The following ECSCR variants were observed in gnomAD, a reference collection of about 807,000 sequenced individuals.
ECSCR encodes endothelial cell-specific chemotaxis regulator.
A neutral mutation model predicts 16.7 loss-of-function variants in ECSCR; 12 were observed. The observed-to-expected ratio is 0.72, with a 90% CI of 0.46 to 1.17. The LOEUF (loss-of-function observed/expected upper bound fraction) is 1.17, where lower values mean the gene tolerates loss of function less well. Among genes scored for constraint, ECSCR ranks in the 50% most tolerant of loss-of-function variants. The probability of loss-of-function intolerance (pLI) is 0.00; values close to 1 mark genes in which losing one functional copy is unlikely to be tolerated. For missense variants in ECSCR, 122 were observed against 116.1 expected, an observed-to-expected ratio of 1.05 and a Z score of -0.23; for synonymous variants, 44 against 42.2, an observed-to-expected ratio of 1.04 and a Z score of -0.17.
chr5:139,452,049 G>C (rs1447934161), intron 8 of ECSCR, among the ~76,000 whole-genome samples: 1 of 149,736 alleles, frequency 6.7e-6, no homozygotes, highest in Non-Finnish European at 1.5e-5. Flanking sequence ...TTGTGTGTTT[G>C]TGGTGTATGT....
At chr5:139,450,057 G>A (rs1236762340) in intron 8 of ECSCR, among the ~76,000 whole-genome samples, 4 of 152,012 alleles carry the variant, frequency 2.6e-5, no homozygotes, top group Admixed American at 2.6e-4. Context: ...ACCGTGCCCA[G>A]CTAATTTTTG....
chr5:139,448,856 G>C lies in ECSCR; in HGVS notation c.*44C>G. On this transcript the variant is annotated 3_prime_UTR_variant, in exon 10 of 10. Transcript: ENST00000618155. ...CATCTCTTCCTCCTTGTAGTCACAG[G>C]GCAGCTGCATCATCCTTGGACTCAT... 1 of 1,536,630 alleles carries C rather than the reference G, an allele frequency of 6.5e-7. No individual in the cohort carries two copies. Among genetic ancestry groups the C allele is most frequent in the South Asian group, 1.2e-5 (1 of 83,900 alleles).
rs1443877647 is a variant in ECSCR, at chr5:139,457,769, A to G, written c.145T>C (p.Ser49Pro). ...CACACTCACTCACCTGGGTTGGAAG[A>G]AACTGGCTCTGTGGTCAGACTTAGA... The part of the protein sequence containing the change: ...GGLSLTTEPV[S>P]SNPGYIPSSE... The change falls in exon 3 of 10, where the codon TCT becomes CCT. Residue 49 changes from serine to proline, a missense_variant. Ser to Pro is a moderately conservative substitution (Grantham distance 74). Transcript: ENST00000618155. The G allele has an allele frequency of 6.2e-7, 1 of 1,612,678 alleles. No homozygotes were observed. Among genetic ancestry groups the G allele is most frequent in the Non-Finnish European group, 8.5e-7 (1 of 1,179,392 alleles).
At chr5:139,458,018 C>T (rs1208742547) in intron 2 of ECSCR, 121 bp downstream of exon 2, 1 of 1,241,606 alleles carries the variant, frequency 8.1e-7, no homozygotes, top group African/African-American at 1.5e-5. Context: ...GTCCTGAGAG[C>T]TCCCGCTCCA....
At chr5:139,460,582 C>T (rs1227499354) in intron 1 of ECSCR, among the ~76,000 whole-genome samples, 10 of 152,182 alleles carry the variant, frequency 6.6e-5, no homozygotes. Flanking sequence ...AGCTTCAAGA[C>T]CCTGCTCTTT....
chr5:139,456,403 G>A (rs1751158841), intron 5 of ECSCR, 71 bp downstream of exon 5: 1 of 397,838 alleles, frequency 2.5e-6, no homozygotes, highest in Non-Finnish European at 4.4e-6. Context: ...AGAGCCAAGG[G>A]ATAAGACGAG....
chr5:139,449,328 C>T (rs778236533), intron 8 of ECSCR, 154 bp from the exon 9 acceptor site: 22 of 161,978 alleles, frequency 1.4e-4, no homozygotes, highest in Non-Finnish European at 2.5e-4. Flanking sequence ...CTTTGAAGAC[C>T]GAAAGACTGC....
intron 1 of ECSCR, among the ~76,000 whole-genome samples, chr5:139,460,582 C>A (rs1227499354): frequency 6.6e-6 from 1 of 152,182 alleles, no homozygotes; most frequent in African/African-American, 2.4e-5. Context: ...AGCTTCAAGA[C>A]CCTGCTCTTT....
At chr5:139,458,320 G>GTTTTT (rs1436113177) in intron 1 of ECSCR, 137 bp from the exon 2 acceptor site, 2 of 670,810 alleles carry the variant, frequency 3.0e-6, no homozygotes, top group Non-Finnish European at 4.8e-6. Context: ...ATTTTGTTTT[G>GTTTTT]TTTTGTTTTT....
Position 139,462,731 on chromosome 5 carries a change from A to G in ECSCR, c.-61T>C, listed in dbSNP as rs1751340717. 1.4e-6 allele frequency: 1 copy of G among 715,660 alleles called. No homozygotes were observed. Among genetic ancestry groups the G allele is most frequent in the Non-Finnish European group, 2.2e-6 (1 of 459,554 alleles). 44.3% of individuals were successfully genotyped at this position (715,660 alleles called of 1,614,324 possible). ...GTGGAGGCTCTGTCCATAGTGGAGAAGAGAGAGGGAGTGCTGGGGCGGGAT... is the reference window on the plus strand; with the variant it reads ...GTGGAGGCTCTGTCCATAGTGGAGAGGAGAGAGGGAGTGCTGGGGCGGGAT... On this transcript the variant is annotated 5_prime_UTR_variant, in exon 1 of 10. Transcript: ENST00000618155.
chr5:139,450,182 C>T (rs1458082718), intron 8 of ECSCR, among the ~76,000 whole-genome samples: 2 of 151,972 alleles, frequency 1.3e-5, no homozygotes, highest in Admixed American at 6.6e-5. Context: ...CATGAGCCAC[C>T]GCGCCTGGCC....
chr5:139,450,971 G>A (rs1751029502), intron 8 of ECSCR, among the ~76,000 whole-genome samples: 1 of 152,080 alleles, frequency 6.6e-6, no homozygotes, highest in African/African-American at 2.4e-5. Context: ...GTTAGCCCTG[G>A]TGTTGAAGAG....
rs1751116571 is a variant in ECSCR at position 139,454,595 on chromosome 5, G to A, written c.512+7C>T. ...TGTCAGATAGAAGATTTTTCTGACG[G>A]TCTTACCTTTCAGACAGCCCTGAAC... On this transcript the variant is annotated splice_region_variant and intron_variant, in intron 8 of 9. Coordinates refer to ENST00000618155, the MANE Select transcript of ECSCR (RefSeq NM_001077693.4). 1 of 398,200 alleles carries A rather than the reference G, an allele frequency of 2.5e-6. No homozygotes were observed. Among genetic ancestry groups the A allele is most frequent in the African/African-American group, 2.1e-5 (1 of 48,552 alleles). The allele number at this position is 398,200 out of a possible 1,614,324, so 24.7% of individuals were successfully genotyped here. A position where few individuals can be genotyped will look rare whatever the true frequency, so the allele number is the denominator to read the frequency against.
At chr5:139,459,974 G>A (rs1053214999) in intron 1 of ECSCR, among the ~76,000 whole-genome samples, 1 of 152,176 alleles carries the variant, frequency 6.6e-6, no homozygotes, top group Non-Finnish European at 1.5e-5. Flanking sequence ...CCTTGTTGGC[G>A]AGAGGGGGAT....
chr5:139,458,015 G>C, intron 2 of ECSCR, 124 bp downstream of exon 2: 2 of 1,226,922 alleles, frequency 1.6e-6, no homozygotes, highest in Non-Finnish European at 2.3e-6. Context: ...TGAGTCCTGA[G>C]AGCTCCCGCT....
At chr5:139,449,428 C>G (rs192058980) in intron 8 of ECSCR, among the ~76,000 whole-genome samples, 2 of 152,262 alleles carry the variant, frequency 1.3e-5, no homozygotes, top group Non-Finnish European at 2.9e-5. Flanking sequence ...ACCTCCACCT[C>G]TCGGGTTCAA....
At chr5:139,461,738 C>G (rs1751310236) in intron 1 of ECSCR, among the ~76,000 whole-genome samples, 1 of 152,162 alleles carries the variant, frequency 6.6e-6, no homozygotes, top group Non-Finnish European at 1.5e-5. Flanking sequence ...TGTTCTGGTA[C>G]TCAGGCCCTC....
At chr5:139,449,828 C>T (rs1750996867) in intron 8 of ECSCR, among the ~76,000 whole-genome samples, 1 of 152,102 alleles carries the variant, frequency 6.6e-6, no homozygotes, top group Non-Finnish European at 1.5e-5. Context: ...CTCACACAAT[C>T]TACCTGCCTC....
intron 8 of ECSCR, among the ~76,000 whole-genome samples, chr5:139,451,889 T>G (rs1334171178): frequency 6.7e-6 from 1 of 150,250 alleles, no homozygotes; most frequent in South Asian, 2.1e-4. Flanking sequence ...GGGTGTGGGG[T>G]GTGTGTGTTT....
Sources: allele counts gnomAD v4.1 joint callset (sites outside exome capture counted in the v4.1 genomes callset), GRCh38; gene constraint gnomAD v4.1.1; transcripts MANE v1.5; gene names NCBI Gene and HGNC (gene_info 2026-07-23, HGNC 2026-07-21).